The following DYSF variants were observed in gnomAD, a reference collection of about 807,000 sequenced individuals.
The protein encoded by DYSF is dystrophy-associated fer-1-like 1.
In DYSF, 212 loss-of-function variants were observed where a neutral mutation model predicts 274.9. The observed-to-expected ratio is 0.77, with a 90% CI of 0.69 to 0.86. The LOEUF (loss-of-function observed/expected upper bound fraction) is 0.86, where lower values mean the gene tolerates loss of function less well. DYSF is among the 40% of genes least tolerant of loss of function. DYSF has a pLI of 0.00. For synonymous variants in DYSF, 1,091 were observed against 1,078.7 expected (o/e 1.01, Z -0.22); for missense variants, 2,666 against 2,783.2 (o/e 0.96, Z 0.95).
rs116621672 is a variant in DYSF at position 71,664,108 on chromosome 2, C to G, written c.5004-160C>G. Among the ~76,000 whole-genome samples, 4 of 152,336 alleles carry G rather than the reference C, an allele frequency of 2.6e-5. No homozygotes were observed. The South Asian group carries it at 6.2e-4, about 24-fold the overall frequency. On this transcript the variant is annotated intron_variant, in intron 45 of 55. Coordinates refer to ENST00000410020, the MANE Select transcript of DYSF (RefSeq NM_001130987.2). Reference sequence around the variant, plus strand: ...TCCCCCTTCCCCCTACACACACACTCAGGCCCAGTACAGCAGTGCTGTGGG... The same window carrying G: ...TCCCCCTTCCCCCTACACACACACTGAGGCCCAGTACAGCAGTGCTGTGGG...
chr2:71,562,987 G>A (rs907789869), intron 23 of DYSF, among the ~76,000 whole-genome samples: 5 of 152,186 alleles, frequency 3.3e-5, no homozygotes, highest in Admixed American at 6.5e-5. Flanking sequence ...TAAGGGCCCC[G>A]TGGAGAGAGC....
intron 1 of DYSF, 89 bp downstream of exon 1, chr2:71,467,022 T>A: frequency 6.7e-7 from 1 of 1,498,992 alleles, no homozygotes; most frequent in Admixed American, 2.0e-5. Context: ...GCTCCGGAGC[T>A]AACCCTAGTC....
chr2:71,642,224 G>A (rs2094497601), intron 41 of DYSF, among the ~76,000 whole-genome samples: 1 of 152,112 alleles, frequency 6.6e-6, no homozygotes, highest in Non-Finnish European at 1.5e-5. Context: ...AAAGATTTAG[G>A]GGAACTCAAC....
rs780377424 is a variant in DYSF, at chr2:71,656,270, T to C, written c.4735T>C (p.Ser1579Pro). The C allele has an allele frequency of 6.2e-7, 1 of 1,614,150 alleles. No individual in the cohort carries two copies. The highest frequency in any genetic ancestry group is 8.5e-7 in the Non-Finnish European group (1 of 1,180,030). Residue 1579 changes from serine to proline, a missense_variant, in exon 43 of 56, where the codon TCT becomes CCT. Ser to Pro is a moderately conservative substitution (Grantham distance 74). This residue lies in a region of DYSF where 1,460 missense variants were observed against 1,502.1 expected (regional missense o/e 0.97). Coordinates refer to ENST00000410020, the MANE Select transcript of DYSF (RefSeq NM_001130987.2). ...GKTQEETEDPSVIGEFKGLFK... is the reference protein window; with the variant it reads ...GKTQEETEDPPVIGEFKGLFK... ...GACGCAGGAGGAGACAGAAGATCCA[T>C]CTGTGATTGGTGAATTTAAGGTAAA...
intron 14 of DYSF, among the ~76,000 whole-genome samples, chr2:71,533,283 GT>G (rs1389442561): frequency 1.2e-4 from 18 of 152,188 alleles, no homozygotes; most frequent in Non-Finnish European, 1.5e-5. Context: ...GGCTCCCAAA[GT>G]GCTGGGATTA....
intron 1 of DYSF, among the ~76,000 whole-genome samples, chr2:71,473,827 C>T (rs1429622358): frequency 6.6e-6 from 1 of 152,128 alleles, no homozygotes; most frequent in Non-Finnish European, 1.5e-5. Context: ...ACTTGTCATC[C>T]TCCCCAGCTG....
At chr2:71,529,066 C>T (rs979049836) in intron 14 of DYSF, among the ~76,000 whole-genome samples, 21 of 152,318 alleles carry the variant, frequency 1.4e-4, no homozygotes, top group African/African-American at 5.1e-4. Context: ...CCTCTCTGTG[C>T]CTCTAAACAG....
At chr2:71,563,632 T>C (rs1156843483) in intron 23 of DYSF, among the ~76,000 whole-genome samples, 1 of 152,200 alleles carries the variant, frequency 6.6e-6, no homozygotes, top group Non-Finnish European at 1.5e-5. Flanking sequence ...GTTCCCGCTC[T>C]TGGGGCTGAG....
intron 32 of DYSF, among the ~76,000 whole-genome samples, chr2:71,598,121 G>C (rs1314496117): frequency 6.6e-6 from 1 of 152,234 alleles, no homozygotes; most frequent in African/African-American, 2.4e-5. Flanking sequence ...ACGTTAGCTT[G>C]TGTGGATATT....
chr2:71,638,237 C>T (rs2094435650), intron 41 of DYSF, among the ~76,000 whole-genome samples: 1 of 151,422 alleles, frequency 6.6e-6, no homozygotes, highest in Non-Finnish European at 1.5e-5. Flanking sequence ...ATTTTAGCAA[C>T]TTTATTGAGA....
At chr2:71,619,669 C>G (rs1465039469) in intron 40 of DYSF, among the ~76,000 whole-genome samples, 1 of 152,196 alleles carries the variant, frequency 6.6e-6, no homozygotes, top group East Asian at 1.9e-4. Context: ...CCCGTTTGCT[C>G]TTTCTCGAAC....
intron 1 of DYSF, among the ~76,000 whole-genome samples, chr2:71,459,439 G>C (rs2081196969): frequency 6.6e-6 from 1 of 152,168 alleles, no homozygotes. Context: ...AACGTGGCAG[G>C]TGGACTAAGA....
chr2:71,474,110 G>A (rs1317807516), intron 1 of DYSF, among the ~76,000 whole-genome samples: 1 of 151,938 alleles, frequency 6.6e-6, no homozygotes, highest in African/African-American at 2.4e-5. Flanking sequence ...ATTTTTAGTA[G>A]AGACAGGGTT....
At chr2:71,612,599 A>G (rs750912194) in intron 38 of DYSF, 42 bp from the exon 39 acceptor site, 1 of 1,609,434 alleles carries the variant, frequency 6.2e-7, no homozygotes, top group South Asian at 1.1e-5. Context: ...GAGACTTCCC[A>G]GAGGGGGATT....
intron 17 of DYSF, among the ~76,000 whole-genome samples, chr2:71,543,116 C>A (rs1326189869): frequency 2.7e-5 from 4 of 150,880 alleles, no homozygotes; most frequent in Non-Finnish European, 1.5e-5. Context: ...GGGCGGCTGC[C>A]GGGCGGAGGG....
chr2:71,621,780 C>T (rs976018189), intron 41 of DYSF, among the ~76,000 whole-genome samples: 8 of 152,222 alleles, frequency 5.3e-5, no homozygotes, highest in East Asian at 1.9e-4. Context: ...CTGCCTCAGC[C>T]TCCTGAGTAG....
intron 54 of DYSF, 26 bp from the exon 55 acceptor site, chr2:71,682,504 G>A (rs774189943): frequency 1.2e-6 from 2 of 1,614,132 alleles, no homozygotes; most frequent in South Asian, 1.1e-5. Flanking sequence ...AGGATGCCCA[G>A]TTGACCTCCG....
At chr2:71,674,357 G>C (rs1013405339) in intron 52 of DYSF, 61 bp downstream of exon 52, 1 of 1,521,252 alleles carries the variant, frequency 6.6e-7, no homozygotes, top group Non-Finnish European at 9.1e-7. Flanking sequence ...CCCACACTGT[G>C]TGTTTATGCC....
At chr2:71,587,197 T>C (rs1466957785) in intron 30 of DYSF, among the ~76,000 whole-genome samples, 1 of 152,144 alleles carries the variant, frequency 6.6e-6, no homozygotes, top group African/African-American at 2.4e-5. Context: ...TGGTGCTCCC[T>C]CCAGTGGGTT....
Sources: gnomAD v4.1 joint callset for allele counts (sites outside exome capture counted in the v4.1 genomes callset) on GRCh38, gnomAD v4.1.1 for gene constraint, gnomAD v4.1.1 regional missense constraint, MANE v1.5 for transcripts, NCBI Gene and HGNC (gene_info 2026-07-23, HGNC 2026-07-21) for gene names.